The following SMAD5 variants were observed in gnomAD, a reference collection of about 807,000 sequenced individuals.
SMAD5 encodes SMAD family member 5.
A neutral mutation model predicts 43.1 loss-of-function variants in SMAD5; 9 were observed. That is an observed-to-expected ratio of 0.21 (90% CI 0.13 to 0.36). The LOEUF (loss-of-function observed/expected upper bound fraction) is 0.36. Among genes scored for constraint, SMAD5 ranks in the 10% least tolerant of loss-of-function variants. The pLI is 1.00. For missense variants in SMAD5, 348 were observed against 574.0 expected, an observed-to-expected ratio of 0.61 and a Z score of 4.02; for synonymous variants, 190 against 192.4, an observed-to-expected ratio of 0.99 and a Z score of 0.10.
rs539733572 is a variant in SMAD5, at chr5:136,160,217, C to G, written c.404-639C>G. On this transcript the variant is annotated intron_variant, in intron 3 of 7. Transcript: ENST00000545279. Reference sequence around the variant, plus strand: ...AAGGCTTTTACCTAGAGAATATTACCATATTCAATATGGAAAACCGTACTG... The same window carrying G: ...AAGGCTTTTACCTAGAGAATATTACGATATTCAATATGGAAAACCGTACTG... Among the ~76,000 whole-genome samples, 4 of 152,144 alleles carry G rather than the reference C, an allele frequency of 2.6e-5. No individual in the cohort carries two copies. The South Asian group carries it at 8.3e-4, about 32-fold the overall frequency.
chr5:136,142,015 G>A (rs190864235), intron 1 of SMAD5, among the ~76,000 whole-genome samples: 5 of 152,220 alleles, frequency 3.3e-5, no homozygotes, highest in East Asian at 1.9e-4. Context: ...ATTAGATGAA[G>A]CAGAAAGTGA....
Position 136,145,911 on chromosome 5 carries a change from C to T in SMAD5, c.-244-1921C>T, listed in dbSNP as rs546054490. On this transcript the variant is annotated intron_variant, in intron 1 of 7. Coordinates refer to ENST00000545279, the MANE Select transcript of SMAD5 (RefSeq NM_005903.7). The stretch of plus-strand genomic sequence containing the variant: ...TGTGAAAGACATAGAAGCTTTTATG[C>T]TTAAGATAAAATTGTCTCCCTTCAT... Among the ~76,000 whole-genome samples the T allele has an allele frequency of 3.9e-5, 6 of 151,966 alleles. No homozygotes were observed. The South Asian group carries it at 1.0e-3, about 26-fold the overall frequency.
rs375714326 is a variant in SMAD5, at chr5:136,163,398, G to T, written c.775+7G>T. ...CCCAGTATATCCAGCAGGGGTAAGA[G>T]AAGTACTCACTTCATTTATTTTATA... On this transcript the variant is annotated splice_region_variant and intron_variant, in intron 5 of 7. Coordinates refer to ENST00000545279, the MANE Select transcript of SMAD5 (RefSeq NM_005903.7). The T allele has an allele frequency of 6.9e-6, 11 of 1,586,120 alleles. No homozygotes were observed. In the African/African-American group the frequency reaches 9.5e-5, roughly 14 times the overall value.
rs1754549036 is a variant in SMAD5 at position 136,179,567 on chromosome 5, A to C, written c.*2087A>C. ...CAATGTGCAGCCAGTGGATGGTTTT[A>C]GTTCTTTCAGATGAACTGCCATTTG... On this transcript the variant is annotated 3_prime_UTR_variant, in exon 8 of 8. Transcript: ENST00000545279. 6.6e-6 allele frequency: 1 copy of C among 152,170 alleles called. No individual in the cohort carries two copies. The highest frequency in any genetic ancestry group is 1.5e-5 in the Non-Finnish European group (1 of 68,002). 9.4% of individuals were successfully genotyped at this position (152,170 alleles called of 1,614,324 possible).
intron 3 of SMAD5, 74 bp downstream of exon 3, chr5:136,154,237 G>T: frequency 1.1e-6 from 1 of 879,438 alleles, no homozygotes; most frequent in East Asian, 3.0e-5. Context: ...CATGTAACTA[G>T]ATTTAGTAAT....
intron 1 of SMAD5, among the ~76,000 whole-genome samples, chr5:136,137,393 G>A (rs1281767327): frequency 6.6e-6 from 1 of 151,312 alleles, no homozygotes; most frequent in African/African-American, 2.4e-5. Context: ...ATCCATATAT[G>A]TTGTTTTGTT....
At position 136,153,707 on chromosome 5, in the gene SMAD5, T is replaced by C. The variant is rs1035833304; in HGVS notation, c.-54T>C. ...ATGACGTTTCACCTGTGATCTGTTC[T>C]TTCGGTAGCCACTGACTTTGAGTTA... On this transcript the variant is annotated 5_prime_UTR_variant, in exon 3 of 8. Transcript: ENST00000545279. The C allele has an allele frequency of 2.8e-5, 42 of 1,486,198 alleles. No homozygotes were observed. The highest frequency in any genetic ancestry group is 1.7e-4 in the Middle Eastern group (1 of 5,794). The allele number at this position is 1,486,198 out of a possible 1,614,324, so 92.1% of individuals were successfully genotyped here.
chr5:136,160,770 A>T (rs1387959189), intron 3 of SMAD5, 86 bp from the exon 4 acceptor site: 10 of 1,340,756 alleles, frequency 7.5e-6, no homozygotes, highest in Non-Finnish European at 1.1e-6. Context: ...ACAGTCTTAC[A>T]TGAATCCTTT....
chr5:136,170,040 C>A (rs1754161103), intron 5 of SMAD5, among the ~76,000 whole-genome samples: 1 of 151,410 alleles, frequency 6.6e-6, no homozygotes, highest in African/African-American at 2.4e-5. Flanking sequence ...TTTTCCTAAT[C>A]TGTGGCTTGT....
At chr5:136,160,218 A>G (rs1053984667) in intron 3 of SMAD5, among the ~76,000 whole-genome samples, 3 of 152,236 alleles carry the variant, frequency 2.0e-5, no homozygotes, top group African/African-American at 4.8e-5. Flanking sequence ...GAATATTACC[A>G]TATTCAATAT....
At chr5:136,159,182 A>G (rs1753747179) in intron 3 of SMAD5, among the ~76,000 whole-genome samples, 2 of 152,236 alleles carry the variant, frequency 1.3e-5, no homozygotes, top group African/African-American at 4.8e-5. Context: ...GCAAAATGTT[A>G]TATTTAACTC....
At chr5:136,134,467 C>T (rs576476602) in intron 1 of SMAD5, 2 of 152,300 alleles carry the variant, frequency 1.3e-5, no homozygotes, top group East Asian at 1.9e-4. Context: ...GCAGTAGTAT[C>T]CATTGTGGGG....
intron 3 of SMAD5, among the ~76,000 whole-genome samples, chr5:136,154,960 T>C (rs1753585783): frequency 1.3e-5 from 2 of 152,206 alleles, no homozygotes; most frequent in South Asian, 4.1e-4. Context: ...CCCTCTTTGC[T>C]GGCGTATTCT....
rs1428697029 is a variant in SMAD5 at position 136,153,642 on chromosome 5, T to C, written c.-119T>C. 5 of 750,900 alleles carry C rather than the reference T, an allele frequency of 6.7e-6. No homozygotes were observed. The highest frequency in any genetic ancestry group is 1.1e-5 in the Non-Finnish European group (5 of 461,792). The allele number at this position is 750,900 out of a possible 1,614,324, so 46.5% of individuals were successfully genotyped here. A position where few individuals can be genotyped will look rare whatever the true frequency, so the allele number is the denominator to read the frequency against. On this transcript the variant is annotated 5_prime_UTR_variant, in exon 3 of 8. Coordinates refer to ENST00000545279, the MANE Select transcript of SMAD5 (RefSeq NM_005903.7). Reference sequence around the variant, plus strand: ...TGGCACTTGTGAAGATAAATGTTACTCCTCCCTTTTTAATTGGAACTTCTG... The same window carrying C: ...TGGCACTTGTGAAGATAAATGTTACCCCTCCCTTTTTAATTGGAACTTCTG...
Position 136,177,547 on chromosome 5 carries a change from C to G in SMAD5, c.*67C>G, listed in dbSNP as rs1276642676. 2 of 1,214,792 alleles carry G rather than the reference C, an allele frequency of 1.6e-6. No homozygotes were observed. Among genetic ancestry groups the G allele is most frequent in the African/African-American group, 1.5e-5 (1 of 65,792 alleles). 75.3% of individuals were successfully genotyped at this position (1,214,792 alleles called of 1,614,324 possible). On this transcript the variant is annotated 3_prime_UTR_variant, in exon 8 of 8. Coordinates refer to ENST00000545279, the MANE Select transcript of SMAD5 (RefSeq NM_005903.7). ...TTTAATTTTAGAGAAACTTTGAGTA[C>G]AGATACTGTGAGCTTACATTGAAAA...
intron 1 of SMAD5, among the ~76,000 whole-genome samples, chr5:136,145,454 T>A (rs1753228509): frequency 6.6e-6 from 1 of 151,990 alleles, no homozygotes; most frequent in Non-Finnish European, 1.5e-5. Context: ...TCTTCATACT[T>A]ACATTCTTGA....
Position 136,136,788 on chromosome 5 carries a change from C to T in SMAD5, c.-245+3826C>T, listed in dbSNP as rs531111075. 2.4e-4 allele frequency among the ~76,000 whole-genome samples: 36 copies of T among 152,178 alleles called. 1 individual carries two copies. The Middle Eastern group carries it at 0.017, about 72-fold the overall frequency. On this transcript the variant is annotated intron_variant, in intron 1 of 7. Transcript: ENST00000545279. ...CTTGACTCACTGCAATTCTGCCTCCCGGCTTCAAGCGATTCTCCTGCCTCA... is the reference window on the plus strand; with the variant it reads ...CTTGACTCACTGCAATTCTGCCTCCTGGCTTCAAGCGATTCTCCTGCCTCA...
At chr5:136,167,938 T>C (rs374714404) in intron 5 of SMAD5, among the ~76,000 whole-genome samples, 1 of 151,970 alleles carries the variant, frequency 6.6e-6, no homozygotes, top group Non-Finnish European at 1.5e-5. Flanking sequence ...CACAATTCGC[T>C]CACAGTTCTC....
At position 136,177,895 on chromosome 5, in the gene SMAD5, C is replaced by CTT. The variant is rs1181154132; in HGVS notation, c.*418_*419dup. The CTT allele has an allele frequency of 6.5e-6, 1 of 153,214 alleles. No homozygotes were observed. The highest frequency in any genetic ancestry group is 1.5e-5 in the Non-Finnish European group (1 of 68,958). 9.5% of individuals were successfully genotyped at this position (153,214 alleles called of 1,614,324 possible). ...TACTCTCGATCTTCCAGAAGCTGTA[C>CTT]TTTTACCAGTTTCTTTGTCCCACCA... On this transcript the variant is annotated 3_prime_UTR_variant, in exon 8 of 8. Transcript: ENST00000545279.
Sources: allele counts gnomAD v4.1 joint callset (sites outside exome capture counted in the v4.1 genomes callset), GRCh38; gene constraint gnomAD v4.1.1; transcripts MANE v1.5; gene names NCBI Gene and HGNC (gene_info 2026-07-23, HGNC 2026-07-21).